DLGAP2: variants seen among roughly 807,000 people sequenced by gnomAD.
The protein encoded by DLGAP2 is disks large-associated protein 2.
Under a neutral mutation model 100.3 loss-of-function variants are expected in DLGAP2, and 26 were observed. The observed-to-expected ratio is 0.26, with a 90% confidence interval of 0.19 to 0.36. DLGAP2 has a LOEUF of 0.36. Among genes scored for constraint, DLGAP2 ranks in the 10% least tolerant of loss-of-function variants. The probability of loss-of-function intolerance (pLI) is 1.00; values close to 1 mark genes in which losing one functional copy is unlikely to be tolerated. For synonymous variants in DLGAP2, 886 were observed against 630.1 expected (o/e 1.41, Z -6.08); for missense variants, 1,858 against 1,453.2 (o/e 1.28, Z -4.53).
intron 3 of DLGAP2, among the ~76,000 whole-genome samples, chr8:1,367,032 A>G (rs116175594): frequency 0.013 from 1,925 of 152,276 alleles, 38 homozygotes; most frequent in African/African-American, 0.044. Context: ...CCCCTCCAAC[A>G]CACACACATG....
rs12545015 is a variant in DLGAP2, at chr8:761,975, C to T, written c.18+24150C>T. Among the ~76,000 whole-genome samples, 1,280 of 152,166 alleles carry T rather than the reference C, an allele frequency of 8.4e-3. 5 individuals carry two copies. Among genetic ancestry groups the T allele is most frequent in the South Asian group, 0.017 (83 of 4,820 alleles). ...ATTTTCGCTTGTTTTTAAGAAAACC[C>T]GAGGAGGAACTGATGAACCCGCCTC... On this transcript the variant is annotated intron_variant, in intron 1 of 14. Coordinates refer to ENST00000637795, the MANE Select transcript of DLGAP2 (RefSeq NM_001346810.2).
intron 1 of DLGAP2, among the ~76,000 whole-genome samples, chr8:848,926 TGCCTGTTCCAGCATAGGAACGC>T (rs1563061928): frequency 3.0e-4 from 45 of 148,846 alleles, no homozygotes; most frequent in African/African-American, 1.1e-3. Flanking sequence ...GAACGCGCGG[TGCCTGTTCCAGCATAGGAACGC>T]GCGGTGCCTG....
intron 1 of DLGAP2, among the ~76,000 whole-genome samples, chr8:773,769 C>G (rs957866892): frequency 2.6e-5 from 4 of 152,048 alleles, no homozygotes; most frequent in African/African-American, 9.7e-5. Context: ...TGGGTTGGTT[C>G]CAAGGCTTTG....
intron 1 of DLGAP2, among the ~76,000 whole-genome samples, chr8:772,936 G>A (rs1346106185): frequency 6.6e-6 from 1 of 152,170 alleles, no homozygotes; most frequent in Non-Finnish European, 1.5e-5. Flanking sequence ...ATGCACCCCA[G>A]ATGCATTGAG....
chr8:1,028,106 G>C (rs36080573), intron 2 of DLGAP2, among the ~76,000 whole-genome samples: 766 of 45,114 alleles, frequency 0.017, no homozygotes, highest in Middle Eastern at 0.053. Flanking sequence ...GGGTGCCAGG[G>C]GCCCGTTATT....
intron 6 of DLGAP2, among the ~76,000 whole-genome samples, chr8:1,584,328 G>A (rs1009554649): frequency 2.6e-5 from 4 of 152,196 alleles, no homozygotes; most frequent in Admixed American, 2.0e-4. Context: ...ACATTCACCT[G>A]ATTTCTTAAG....
chr8:1,566,594 C>G (rs1802412254), intron 6 of DLGAP2, among the ~76,000 whole-genome samples: 1 of 152,160 alleles, frequency 6.6e-6, no homozygotes, highest in African/African-American at 2.4e-5. Context: ...GCTGTGAGGT[C>G]CTGGGCAAGT....
chr8:1,262,082 C>T (rs990348269), intron 3 of DLGAP2, among the ~76,000 whole-genome samples: 2 of 152,184 alleles, frequency 1.3e-5, no homozygotes, highest in Non-Finnish European at 2.9e-5. Flanking sequence ...ATGGTTAGTT[C>T]TGTCTGTGAG....
chr8:1,627,125 A>C (rs1797526059), intron 7 of DLGAP2, among the ~76,000 whole-genome samples: 1 of 152,248 alleles, frequency 6.6e-6, no homozygotes. Flanking sequence ...TTTCTGAGGA[A>C]GCAATGACCA....
chr8:1,548,629 C>T lies in DLGAP2; in HGVS notation c.176C>T (p.Pro59Leu), dbSNP rs775191566. Residue 59 changes from proline (P) to leucine (L), a missense_variant, in exon 5 of 15, where the codon CCG (proline) becomes CTG (leucine). By Grantham distance (98) the Pro-to-Leu change is moderately conservative. Coordinates refer to ENST00000637795, the MANE Select transcript of DLGAP2 (RefSeq NM_001346810.2). ...FPGPAEEDLD[P>L]QYSWSPTQHF... ...TGCCGTTTCTGTTTCCCCACAGACC[C>T]GCAGTACTCATGGTCGCCCACGCAG... The T allele has an allele frequency of 1.9e-4, 295 of 1,528,724 alleles. No individual in the cohort carries two copies. The highest frequency in any genetic ancestry group is 2.5e-4 in the Non-Finnish European group (289 of 1,139,446). The allele number at this position is 1,528,724 out of a possible 1,614,324, so 94.7% of individuals were successfully genotyped here. A position where few individuals can be genotyped will look rare whatever the true frequency, so the allele number is the denominator to read the frequency against.
At chr8:956,783 T>G (rs1359160240) in intron 2 of DLGAP2, among the ~76,000 whole-genome samples, 1 of 152,246 alleles carries the variant, frequency 6.6e-6, no homozygotes, top group Non-Finnish European at 1.5e-5. Context: ...GTTTATTTTA[T>G]GCTTTTCCAG....
At chr8:1,091,561 C>G (rs1039763756) in intron 2 of DLGAP2, among the ~76,000 whole-genome samples, 8 of 152,246 alleles carry the variant, frequency 5.3e-5, no homozygotes, top group Non-Finnish European at 8.8e-5. Flanking sequence ...ACCTGTAGTG[C>G]TTTTCAGCCA....
At chr8:1,126,586 TG>T (rs1440192475) in intron 2 of DLGAP2, among the ~76,000 whole-genome samples, 1 of 150,374 alleles carries the variant, frequency 6.7e-6, no homozygotes, top group Non-Finnish European at 1.5e-5. Flanking sequence ...ACTCCTGCTG[TG>T]GGAGGTGCTG....
intron 1 of DLGAP2, chr8:753,732 C>T (rs1366532166): frequency 2.6e-5 from 4 of 152,246 alleles, no homozygotes; most frequent in African/African-American, 4.8e-5. Context: ...GCCTTATCCA[C>T]TCCACAGACA....
intron 3 of DLGAP2, among the ~76,000 whole-genome samples, chr8:1,267,712 C>A (rs915413882): frequency 6.6e-6 from 1 of 152,054 alleles, no homozygotes; most frequent in Admixed American, 6.5e-5. Flanking sequence ...GTGTCGCTGG[C>A]CCCCTCCGTA....
chr8:1,614,181 C>T (rs1327547587), intron 6 of DLGAP2, among the ~76,000 whole-genome samples: 1 of 152,148 alleles, frequency 6.6e-6, no homozygotes, highest in Non-Finnish European at 1.5e-5. Context: ...CTTCACAAAC[C>T]CCACCAGCAC....
intron 6 of DLGAP2, among the ~76,000 whole-genome samples, chr8:1,595,696 T>C (rs890846644): frequency 7.9e-6 from 1 of 127,076 alleles, no homozygotes; most frequent in South Asian, 2.5e-4. Context: ...AAAAAAGAAA[T>C]AGGTCATTCC....
chr8:747,295 C>G (rs1227756115), intron 1 of DLGAP2, among the ~76,000 whole-genome samples: 1 of 152,064 alleles, frequency 6.6e-6, no homozygotes, highest in African/African-American at 2.4e-5. Flanking sequence ...TATCATAAAG[C>G]AGACAGGGAA....
chr8:985,260 C>G (rs569859568), intron 2 of DLGAP2, among the ~76,000 whole-genome samples: 145 of 152,324 alleles, frequency 9.5e-4, no homozygotes, highest in Admixed American at 1.7e-3. Context: ...CACCCACTGT[C>G]CGTAGATGTG....
Sources: gnomAD v4.1 joint callset for allele counts (sites outside exome capture counted in the v4.1 genomes callset) on GRCh38, gnomAD v4.1.1 for gene constraint, MANE v1.5 for transcripts, NCBI Gene and HGNC (gene_info 2026-07-23, HGNC 2026-07-21) for gene names.